Variants in SMARCC1 observed in about 807,000 individuals in gnomAD.
SMARCC1 encodes SWI/SNF related BAF chromatin remodeling complex subunit C1, also known as SWI/SNF complex subunit SMARCC1.
A neutral mutation model predicts 147.4 loss-of-function variants in SMARCC1; 43 were observed. The observed-to-expected ratio is 0.29, with a 90% CI of 0.23 to 0.38. SMARCC1 has a LOEUF of 0.38. Ranked by LOEUF, SMARCC1 falls within the 10% of genes least tolerant of loss-of-function variation. SMARCC1 has a pLI of 1.00. For missense variants in SMARCC1, 1,119 were observed against 1,381.1 expected, an observed-to-expected ratio of 0.81 and a Z score of 3.01; for synonymous variants, 495 against 484.4, an observed-to-expected ratio of 1.02 and a Z score of -0.29.
chr3:47,597,193 GTCACCCA>G (rs1360368398), intron 26 of SMARCC1, among the ~76,000 whole-genome samples: 5 of 151,304 alleles, frequency 3.3e-5, no homozygotes, highest in African/African-American at 1.2e-4. Flanking sequence ...GTCTTGCTCT[GTCACCCA>G]GGCTGGAGTA....
At chr3:47,732,063 C>A (rs2034380976) in intron 5 of SMARCC1, among the ~76,000 whole-genome samples, 1 of 152,222 alleles carries the variant, frequency 6.6e-6, no homozygotes, top group Non-Finnish European at 1.5e-5. Context: ...TTTGGTGTAA[C>A]CAGCTTCACC....
chr3:47,638,071 C>A (rs1201239966), intron 22 of SMARCC1, among the ~76,000 whole-genome samples: 2 of 152,112 alleles, frequency 1.3e-5, no homozygotes, highest in Non-Finnish European at 2.9e-5. Flanking sequence ...CCTTAAAATT[C>A]GATATTCACA....
At chr3:47,727,518 T>C (rs1371191362) in intron 6 of SMARCC1, among the ~76,000 whole-genome samples, 1 of 151,770 alleles carries the variant, frequency 6.6e-6, no homozygotes, top group African/African-American at 2.4e-5. Context: ...AAAAAAAAAA[T>C]TGTACTGTGT....
chr3:47,761,188 G>A (rs566750117), intron 2 of SMARCC1, among the ~76,000 whole-genome samples: 8 of 151,932 alleles, frequency 5.3e-5, no homozygotes, highest in Admixed American at 2.6e-4. Flanking sequence ...TGTGGTCTCA[G>A]CCACTCAGGA....
intron 7 of SMARCC1, among the ~76,000 whole-genome samples, chr3:47,719,012 A>G (rs1248202611): frequency 6.6e-6 from 1 of 152,142 alleles, no homozygotes; most frequent in African/African-American, 2.4e-5. Context: ...CCCGGGGTTC[A>G]TGCCATTCTC....
rs35445330 is a variant in SMARCC1 at position 47,636,788 on chromosome 3, A to ATGTGTGTG, written c.2377-660_2377-653dup. 1.0e-3 allele frequency among the ~76,000 whole-genome samples: 81 copies of ATGTGTGTG among 80,654 alleles called. 2 individuals are homozygous for ATGTGTGTG. The highest frequency in any genetic ancestry group is 2.9e-3 in the African/African-American group (68 of 23,506). 52.9% of individuals were successfully genotyped at this position (80,654 alleles called of 152,430 possible). A position where few individuals can be genotyped will look rare whatever the true frequency, so the allele number is the denominator to read the frequency against. ...ACAACAACCACAACAAAATATATAT[A>ATGTGTGTG]TGTGTGTGTGTGTGTGTGTGTGTGT... On this transcript the variant is annotated intron_variant, in intron 22 of 27. Transcript: ENST00000254480.
intron 5 of SMARCC1, among the ~76,000 whole-genome samples, chr3:47,735,336 A>G (rs2034429160): frequency 6.6e-6 from 1 of 152,170 alleles, no homozygotes; most frequent in African/African-American, 2.4e-5. Context: ...GGGGAGAGAA[A>G]AAAAACACTG....
chr3:47,679,556 C>T (rs1426041547), intron 15 of SMARCC1, among the ~76,000 whole-genome samples: 2 of 152,156 alleles, frequency 1.3e-5, no homozygotes, highest in Non-Finnish European at 2.9e-5. Context: ...TACATTCACA[C>T]ACAAGTTGAA....
At chr3:47,765,003 G>A (rs574144002) in intron 2 of SMARCC1, among the ~76,000 whole-genome samples, 14 of 152,322 alleles carry the variant, frequency 9.2e-5, no homozygotes, top group African/African-American at 3.4e-4. Context: ...TGTAATCCCA[G>A]CACTTTGGGA....
chr3:47,770,087 G>A (rs1342294438), intron 2 of SMARCC1, among the ~76,000 whole-genome samples: 1 of 151,864 alleles, frequency 6.6e-6, no homozygotes, highest in African/African-American at 2.4e-5. Flanking sequence ...AAATTAGCCA[G>A]TGTGGTGGTG....
chr3:47,609,995 T>G (rs1438469807), intron 26 of SMARCC1, 71 bp downstream of exon 26: 9 of 1,511,352 alleles, frequency 6.0e-6, no homozygotes, highest in Non-Finnish European at 8.1e-6. Context: ...AACTGTGTGG[T>G]TGGCCCCAAT....
At chr3:47,726,081 AGG>A (rs2034296911) in intron 6 of SMARCC1, among the ~76,000 whole-genome samples, 1 of 148,776 alleles carries the variant, frequency 6.7e-6, no homozygotes, top group South Asian at 2.1e-4. Flanking sequence ...AAAAAAAAAA[AGG>A]TGAATTTCAT....
At chr3:47,683,073 C>T (rs989000462) in intron 14 of SMARCC1, among the ~76,000 whole-genome samples, 3 of 152,190 alleles carry the variant, frequency 2.0e-5, no homozygotes, top group African/African-American at 7.2e-5. Context: ...GACGGAGTCT[C>T]GCTCTGTCGC....
intron 8 of SMARCC1, among the ~76,000 whole-genome samples, chr3:47,713,412 T>C (rs1398610808): frequency 6.6e-6 from 1 of 152,152 alleles, no homozygotes; most frequent in Non-Finnish European, 1.5e-5. Context: ...TGTACTACTC[T>C]TGCAACTTGT....
chr3:47,744,174 G>T (rs2034540873), intron 3 of SMARCC1, among the ~76,000 whole-genome samples: 5 of 150,908 alleles, frequency 3.3e-5, no homozygotes, highest in Admixed American at 3.3e-4. Context: ...CTTTTTTTTT[G>T]GAGACAGCCC....
intron 24 of SMARCC1, 138 bp downstream of exon 24, chr3:47,635,052 T>C (rs2032950049): frequency 1.4e-6 from 1 of 724,474 alleles, no homozygotes; most frequent in African/African-American, 1.8e-5. Flanking sequence ...TGTGGATTTC[T>C]TAACCTAGAA....
intron 2 of SMARCC1, among the ~76,000 whole-genome samples, chr3:47,758,968 G>T (rs1220927459): frequency 6.6e-6 from 1 of 151,156 alleles, no homozygotes; most frequent in Non-Finnish European, 1.5e-5. Flanking sequence ...GGTGAGCTGA[G>T]ATCGCACCAT....
intron 2 of SMARCC1, among the ~76,000 whole-genome samples, chr3:47,763,407 TA>T (rs35782822): frequency 1.4e-3 from 201 of 145,164 alleles, no homozygotes; most frequent in African/African-American, 3.3e-3. Context: ...ACTCCAGCTC[TA>T]AAAAAAAAAA....
intron 25 of SMARCC1, among the ~76,000 whole-genome samples, chr3:47,618,901 C>T (rs1411312385): frequency 2.6e-5 from 4 of 152,174 alleles, no homozygotes; most frequent in Non-Finnish European, 5.9e-5. Context: ...ATCAGTTATG[C>T]TTTGCAAATG....
Sources: gnomAD v4.1 joint callset for allele counts (sites outside exome capture counted in the v4.1 genomes callset) on GRCh38, gnomAD v4.1.1 for gene constraint, MANE v1.5 for transcripts, NCBI Gene and HGNC (gene_info 2026-07-23, HGNC 2026-07-21) for gene names.